ASTN1: variants seen among roughly 807,000 people sequenced by gnomAD.
The protein encoded by ASTN1 is astrotactin 1, also known as astrotactin-1.
A neutral mutation model predicts 140.7 loss-of-function variants in ASTN1; 41 were observed. That is an observed-to-expected ratio of 0.29 (90% CI 0.23 to 0.38). The LOEUF (loss-of-function observed/expected upper bound fraction) is 0.38. Among genes scored for constraint, ASTN1 ranks in the 10% least tolerant of loss-of-function variants. ASTN1 has a pLI of 1.00. For missense variants in ASTN1, 1,479 were observed against 1,678.8 expected (o/e 0.88, Z 2.08); for synonymous variants, 640 against 652.2 (o/e 0.98, Z 0.29).
At chr1:177,056,958 C>A (rs1677837268) in intron 2 of ASTN1, among the ~76,000 whole-genome samples, 2 of 152,160 alleles carry the variant, frequency 1.3e-5, no homozygotes, top group Admixed American at 6.6e-5. Flanking sequence ...ATTCTGCTTT[C>A]ATTTGTTGAA....
chr1:177,001,060 C>T (rs890609650), intron 8 of ASTN1, among the ~76,000 whole-genome samples: 4 of 152,170 alleles, frequency 2.6e-5, no homozygotes, highest in East Asian at 1.9e-4. Flanking sequence ...TGTGGATGTT[C>T]TGCCCAAACC....
rs771619852 is a variant in ASTN1, at chr1:176,894,800, C to T, written c.2702G>A (p.Arg901Gln). The T allele has an allele frequency of 1.3e-5, 21 of 1,613,912 alleles. No individual in the cohort carries two copies. Among genetic ancestry groups the T allele is most frequent in the Admixed American group, 1.7e-5 (1 of 60,016 alleles). ...GNSPSDESEE[R>Q]ERDPKVLTFP... The stretch of plus-strand genomic sequence containing the variant: ...TGTCAGCACCTTGGGGTCTCTTTCC[C>T]GCTCCTCAGACTCATCTGATGGGGA... Residue 901 changes from arginine (R) to glutamine (Q), a missense_variant, in exon 17 of 23, where the codon CGG (arginine) becomes CAG (glutamine). Physicochemically the swap from Arg to Gln is conservative, Grantham distance 43 (BLOSUM62 1). Around this residue, in one of 3 missense-constraint regions of ASTN1, gnomAD observed 746 missense variants for 800.9 expected, o/e 0.93. Transcript: ENST00000361833.
Position 176,909,126 on chromosome 1 carries a change from A to T in ASTN1, c.2672-14296T>A, listed in dbSNP as rs376156730. ...TCACCCAGTCCAGGTCTCTGACAGC[A>T]TCGAGTTGGGTGCCTGTGCTGGCAG... is the stretch of plus-strand genomic sequence containing the variant. On this transcript the variant is annotated intron_variant, in intron 16 of 22. Transcript: ENST00000361833. 2.0e-5 allele frequency among the ~76,000 whole-genome samples: 3 copies of T among 152,226 alleles called. No homozygotes were observed. The East Asian group carries it at 5.8e-4, about 29-fold the overall frequency.
intron 1 of ASTN1, among the ~76,000 whole-genome samples, chr1:177,108,663 A>T (rs1218936441): frequency 1.3e-5 from 2 of 152,176 alleles, no homozygotes; most frequent in Non-Finnish European, 2.9e-5. Flanking sequence ...GTTATTGTGG[A>T]TAATTGGTGA....
intron 1 of ASTN1, among the ~76,000 whole-genome samples, chr1:177,081,853 G>C (rs118052599): frequency 6.6e-6 from 1 of 152,280 alleles, no homozygotes; most frequent in East Asian, 1.9e-4. Flanking sequence ...AGCTAAGAGT[G>C]GTTTAAGGGT....
At chr1:176,965,412 C>T (rs539374160) in intron 8 of ASTN1, among the ~76,000 whole-genome samples, 175 bp from the exon 9 acceptor site, 1 of 151,940 alleles carries the variant, frequency 6.6e-6, no homozygotes, top group East Asian at 1.9e-4. Flanking sequence ...TGGGACCTGA[C>T]GAAGAACACG....
At chr1:176,869,955 A>C (rs1370195729) in intron 21 of ASTN1, among the ~76,000 whole-genome samples, 1 of 152,142 alleles carries the variant, frequency 6.6e-6, no homozygotes, top group Non-Finnish European at 1.5e-5. Flanking sequence ...AGATCTGTGG[A>C]GACCCAGAAA....
chr1:176,943,507 C>G (rs551901864), intron 14 of ASTN1, among the ~76,000 whole-genome samples: 31 of 152,156 alleles, frequency 2.0e-4, no homozygotes, highest in Non-Finnish European at 3.4e-4. Flanking sequence ...TAAATACTTG[C>G]CAGGAAACCC....
In ASTN1 at chr1:176,861,685, C is replaced by CGTGT. The variant is rs374272632; in HGVS notation, c.*2595_*2598dup. Reference sequence around the variant, plus strand: ...GAGTTGTGTGCATTGTGTGTGCACACGTGTGTGTGTGTGTACATACATACA... The same window carrying CGTGT: ...GAGTTGTGTGCATTGTGTGTGCACACGTGTGTGTGTGTGTGTGTACATACATACA... On this transcript the variant is annotated 3_prime_UTR_variant, in exon 23 of 23. Coordinates refer to ENST00000361833, the MANE Select transcript of ASTN1 (RefSeq NM_004319.3). 3.1e-6 allele frequency: 3 copies of CGTGT among 979,304 alleles called. No individual in the cohort carries two copies. Among genetic ancestry groups the CGTGT allele is most frequent in the Admixed American group, 6.2e-5 (1 of 16,190 alleles). The allele number at this position is 979,304 out of a possible 1,614,324, so 60.7% of individuals were successfully genotyped here.
At chr1:177,008,250 A>G (rs1290766454) in intron 8 of ASTN1, among the ~76,000 whole-genome samples, 1 of 152,158 alleles carries the variant, frequency 6.6e-6, no homozygotes, top group Admixed American at 6.5e-5. Context: ...GGGCACCTCT[A>G]GAGAGAAGAA....
In ASTN1 at chr1:176,861,561, A is replaced by G. The variant is rs1667962379; in HGVS notation, c.*2723T>C. 1 of 985,704 alleles carries G rather than the reference A, an allele frequency of 1.0e-6. No homozygotes were observed. Among genetic ancestry groups the G allele is most frequent in the African/African-American group, 1.7e-5 (1 of 57,340 alleles). 61.1% of individuals were successfully genotyped at this position (985,704 alleles called of 1,614,324 possible). On this transcript the variant is annotated 3_prime_UTR_variant, in exon 23 of 23. Transcript: ENST00000361833. Reference sequence around the variant, plus strand: ...GAGATCAATAGTGTCTTCCAAGGGGAAAAAATCCTCCAGTCAATTGTACAA... The same window carrying G: ...GAGATCAATAGTGTCTTCCAAGGGGGAAAAATCCTCCAGTCAATTGTACAA...
intron 1 of ASTN1, among the ~76,000 whole-genome samples, chr1:177,139,963 G>A (rs1213845981): frequency 6.6e-6 from 1 of 152,146 alleles, no homozygotes. Context: ...ATAAAAAGAA[G>A]AAAATCTATT....
intron 22 of ASTN1, 21 bp downstream of exon 22, chr1:176,868,823 T>A: frequency 1.3e-6 from 2 of 1,575,300 alleles, no homozygotes; most frequent in Non-Finnish European, 1.7e-6. Context: ...TTTAAAAGGG[T>A]TGACTTAGTT....
intron 1 of ASTN1, among the ~76,000 whole-genome samples, chr1:177,163,793 A>G (rs948203733): frequency 1.1e-4 from 17 of 152,214 alleles, no homozygotes; most frequent in African/African-American, 4.1e-4. Context: ...GCATGGAGGT[A>G]GGACTTCCCA....
chr1:176,956,816 G>A (rs900602225), intron 11 of ASTN1, among the ~76,000 whole-genome samples: 2 of 152,204 alleles, frequency 1.3e-5, no homozygotes, highest in Admixed American at 1.3e-4. Context: ...CCATTTCCCT[G>A]CATGGCGCAG....
intron 16 of ASTN1, among the ~76,000 whole-genome samples, chr1:176,914,162 T>C (rs1187668285): frequency 6.6e-6 from 1 of 152,172 alleles, no homozygotes; most frequent in Non-Finnish European, 1.5e-5. Context: ...GAGAGGTTTA[T>C]TACTTTGTCC....
chr1:177,035,185 C>T (rs1054905003), intron 2 of ASTN1, among the ~76,000 whole-genome samples: 19 of 152,310 alleles, frequency 1.2e-4, no homozygotes, highest in African/African-American at 4.3e-4. Flanking sequence ...ACTTGCCCAA[C>T]GTCACACAGC....
chr1:177,065,892 A>G (rs892745619), intron 1 of ASTN1, among the ~76,000 whole-genome samples: 1 of 152,184 alleles, frequency 6.6e-6, no homozygotes, highest in Non-Finnish European at 1.5e-5. Flanking sequence ...ATCTTACTAT[A>G]ACTCTAATCC....
chr1:177,153,693 A>C (rs529403240), intron 1 of ASTN1, among the ~76,000 whole-genome samples: 41 of 152,320 alleles, frequency 2.7e-4, no homozygotes, highest in African/African-American at 9.1e-4. Flanking sequence ...CTTCACTTAC[A>C]TAAAATCCAA....
Sources: gnomAD v4.1 joint callset for allele counts (sites outside exome capture counted in the v4.1 genomes callset) on GRCh38, gnomAD v4.1.1 for gene constraint, gnomAD v4.1.1 regional missense constraint, MANE v1.5 for transcripts, NCBI Gene and HGNC (gene_info 2026-07-23, HGNC 2026-07-21) for gene names.